Variants in PDSS2 observed in about 807,000 individuals in gnomAD.
The protein encoded by PDSS2 is decaprenyl diphosphate synthase subunit 2, also known as all trans-polyprenyl-diphosphate synthase PDSS2.
Under a neutral mutation model 44.5 loss-of-function variants are expected in PDSS2, and 31 were observed. The observed-to-expected ratio is 0.70, with a 90% CI of 0.52 to 0.94. PDSS2 has a LOEUF of 0.94. PDSS2 is among the 40% of genes least tolerant of loss of function. The pLI, the probability that PDSS2 is intolerant of heterozygous loss-of-function variation, is 0.00. For synonymous variants in PDSS2, 157 were observed against 180.3 expected (o/e 0.87, Z 1.03); for missense variants, 452 against 482.2 (o/e 0.94, Z 0.59).
At position 107,154,796 on chromosome 6, in the gene PDSS2, A is replaced by G. The variant is rs375212294; in HGVS notation, c.1042-19T>C. On this transcript the variant is annotated intron_variant, in intron 7 of 7. Coordinates refer to ENST00000369037, the MANE Select transcript of PDSS2 (RefSeq NM_020381.4). ...CTCGCAACTGTTAAGAAACAAATGC[A>G]TGATAAAAGTCAGTTTTAAAGGTAC... is the stretch of plus-strand genomic sequence containing the variant. 6.3e-5 allele frequency: 102 copies of G among 1,613,088 alleles called. No individual in the cohort carries two copies. In the Middle Eastern group the frequency reaches 1.2e-3, roughly 18 times the overall value.
intron 2 of PDSS2, among the ~76,000 whole-genome samples, chr6:107,276,122 AGGAAAG>A (rs1775773999): frequency 3.3e-4 from 41 of 124,278 alleles, no homozygotes; most frequent in Middle Eastern, 4.2e-3. Context: ...CTCAAAAAAA[AGGAAAG>A]AAAAGAAAAG....
intron 1 of PDSS2, among the ~76,000 whole-genome samples, chr6:107,454,358 T>C (rs1781967870): frequency 6.8e-6 from 1 of 147,532 alleles, no homozygotes; most frequent in Non-Finnish European, 1.5e-5. Flanking sequence ...TAGACTTCTT[T>C]ATATCACTTC....
At chr6:107,345,360 G>GA (rs1778209819) in intron 1 of PDSS2, among the ~76,000 whole-genome samples, 1 of 148,874 alleles carries the variant, frequency 6.7e-6, no homozygotes, top group Non-Finnish European at 1.5e-5. Flanking sequence ...TTACCAAAAA[G>GA]AATGTTTCAA....
chr6:107,319,009 C>T (rs955544427), intron 2 of PDSS2, among the ~76,000 whole-genome samples: 278 of 144,604 alleles, frequency 1.9e-3, no homozygotes, highest in African/African-American at 6.8e-3. Context: ...TATATATATA[C>T]ACACACACAC....
At chr6:107,420,272 C>G (rs2114696900) in intron 1 of PDSS2, among the ~76,000 whole-genome samples, 1 of 152,322 alleles carries the variant, frequency 6.6e-6, no homozygotes, top group South Asian at 2.1e-4. Context: ...CCGTCACCTT[C>G]TTCTAGCCTC....
At chr6:107,433,079 T>A (rs1053084114) in intron 1 of PDSS2, among the ~76,000 whole-genome samples, 7 of 152,032 alleles carry the variant, frequency 4.6e-5, no homozygotes, top group Non-Finnish European at 1.0e-4. Flanking sequence ...GGAAAAAAAT[T>A]TTTTTTTAAC....
chr6:107,238,503 G>A (rs560433812), intron 4 of PDSS2, among the ~76,000 whole-genome samples: 4 of 152,288 alleles, frequency 2.6e-5, no homozygotes, highest in Admixed American at 2.0e-4. Context: ...CCCTCTCAGT[G>A]GAGTCACGCA....
chr6:107,270,840 GA>G (rs907452335), intron 3 of PDSS2, among the ~76,000 whole-genome samples: 2 of 152,006 alleles, frequency 1.3e-5, no homozygotes, highest in African/African-American at 2.4e-5. Flanking sequence ...TGAATGGAAA[GA>G]AAAAAACCAA....
At chr6:107,360,897 A>G (rs1778752130) in intron 1 of PDSS2, among the ~76,000 whole-genome samples, 1 of 152,212 alleles carries the variant, frequency 6.6e-6, no homozygotes, top group South Asian at 2.1e-4. Flanking sequence ...AACAAAGTCT[A>G]ATTGGAACAG....
At chr6:107,251,133 C>T (rs969053280) in intron 3 of PDSS2, among the ~76,000 whole-genome samples, 1 of 152,134 alleles carries the variant, frequency 6.6e-6, no homozygotes, top group African/African-American at 2.4e-5. Context: ...GGATTACAGG[C>T]GTGAGCCACC....
intron 1 of PDSS2, among the ~76,000 whole-genome samples, chr6:107,437,473 C>T (rs780519780): frequency 6.9e-6 from 1 of 144,256 alleles, no homozygotes; most frequent in Non-Finnish European, 1.5e-5. Flanking sequence ...TATAGTGAGC[C>T]AAGATCGCAC....
intron 2 of PDSS2, among the ~76,000 whole-genome samples, chr6:107,306,918 C>T (rs534681139): frequency 5.9e-5 from 9 of 152,256 alleles, no homozygotes; most frequent in South Asian, 2.1e-4. Flanking sequence ...TGTTTCAGGT[C>T]TCAAATAGTT....
At chr6:107,235,940 G>C (rs1254987613) in intron 4 of PDSS2, among the ~76,000 whole-genome samples, 2 of 152,078 alleles carry the variant, frequency 1.3e-5, no homozygotes, top group African/African-American at 2.4e-5. Flanking sequence ...AAGAATCAGT[G>C]ACTCTGGGAC....
intron 5 of PDSS2, among the ~76,000 whole-genome samples, chr6:107,211,292 G>T (rs1002336436): frequency 7.9e-5 from 12 of 151,626 alleles, no homozygotes; most frequent in Admixed American, 2.0e-4. Context: ...TATATATATA[G>T]AGAGAGGCAA....
intron 1 of PDSS2, among the ~76,000 whole-genome samples, chr6:107,456,298 G>A (rs1261101114): frequency 1.3e-5 from 2 of 152,194 alleles, no homozygotes; most frequent in Non-Finnish European, 2.9e-5. Context: ...TCCAGCCTGG[G>A]CAACAAGAGT....
At chr6:107,277,354 T>C (rs1407403180) in intron 2 of PDSS2, among the ~76,000 whole-genome samples, 2 of 152,082 alleles carry the variant, frequency 1.3e-5, no homozygotes, top group African/African-American at 2.4e-5. Context: ...TGACCAAAGG[T>C]TGAAAAGATC....
At position 107,154,665 on chromosome 6, in the gene PDSS2, C is replaced by G. The variant is rs147723975; in HGVS notation, c.1154G>C (p.Arg385Thr). ...ALESFPPSEARSALENIVFAV... is the reference protein window; with the variant it reads ...ALESFPPSEATSALENIVFAV... The stretch of plus-strand genomic sequence containing the variant: ...AAACACAATGTTTTCTAAAGCAGAT[C>G]TGGCCTCCGAGGGAGGAAAGCTCTC... Residue 385 changes from arginine (R) to threonine (T), a missense_variant, in exon 8 of 8, where the codon AGA becomes ACA. Physicochemically the swap from Arg to Thr is moderately conservative, Grantham distance 71. Transcript: ENST00000369037. 57 of 1,614,202 alleles carry G rather than the reference C, an allele frequency of 3.5e-5. 2 individuals are homozygous for G. The South Asian group carries it at 5.4e-4, about 15-fold the overall frequency.
intron 4 of PDSS2, among the ~76,000 whole-genome samples, chr6:107,231,753 G>C (rs1199510475): frequency 6.6e-6 from 1 of 152,162 alleles, no homozygotes; most frequent in Non-Finnish European, 1.5e-5. Flanking sequence ...GCTGAGGTCA[G>C]GAGTTACAGA....
chr6:107,361,000 A>C (rs1778756041), intron 1 of PDSS2, among the ~76,000 whole-genome samples: 1 of 152,200 alleles, frequency 6.6e-6, no homozygotes, highest in Admixed American at 6.5e-5. Flanking sequence ...GTTGGAAAAA[A>C]CTGCAATGCC....
Sources: allele counts gnomAD v4.1 joint callset (sites outside exome capture counted in the v4.1 genomes callset), GRCh38; gene constraint gnomAD v4.1.1; transcripts MANE v1.5; gene names NCBI Gene and HGNC (gene_info 2026-07-23, HGNC 2026-07-21).